The following STK3 variants were observed in gnomAD, a reference collection of about 807,000 sequenced individuals.
The protein encoded by STK3 is serine/threonine-protein kinase 3.
STK3 carries 41 observed loss-of-function variants against 58.0 expected under a neutral mutation model. The observed-to-expected ratio is 0.71, with a 90% confidence interval of 0.55 to 0.92. The LOEUF (loss-of-function observed/expected upper bound fraction) is 0.92, where lower values mean the gene tolerates loss of function less well. Among genes scored for constraint, STK3 ranks in the 40% least tolerant of loss-of-function variants. The probability of loss-of-function intolerance (pLI) is 0.00; values close to 1 mark genes in which losing one functional copy is unlikely to be tolerated. For synonymous variants in STK3, 170 were observed against 191.0 expected (o/e 0.89, Z 0.91); for missense variants, 479 against 602.7 (o/e 0.79, Z 2.15).
chr8:98,776,121 T>G (rs1309306084), intron 1 of STK3, among the ~76,000 whole-genome samples: 2 of 152,206 alleles, frequency 1.3e-5, no homozygotes, highest in Non-Finnish European at 2.9e-5. Flanking sequence ...AGTTTAGTGT[T>G]AGTTCCCCAG....
At chr8:98,706,316 AAC>A in intron 6 of STK3, 149 bp downstream of exon 6, 1 of 765,524 alleles carries the variant, frequency 1.3e-6, no homozygotes, top group Non-Finnish European at 1.9e-6. Flanking sequence ...AAGAGAAGTT[AAC>A]AGTTACTAAT....
At chr8:98,409,911 A>G (rs1207104612) in intron 3 of STK3, among the ~76,000 whole-genome samples, 2 of 152,182 alleles carry the variant, frequency 1.3e-5, no homozygotes, top group African/African-American at 2.4e-5. Flanking sequence ...GGAGAGTGCC[A>G]TGTGCCCAGA....
At chr8:98,366,590 T>C (rs548997795), downstream of STK3, among the ~76,000 whole-genome samples, 57 of 152,376 alleles carry the variant, frequency 3.7e-4, no homozygotes, top group African/African-American at 1.4e-3. Flanking sequence ...ACATACTTAT[T>C]GAATGGTTCA....
At chr8:98,899,300 A>G (rs1838571117) in intron 1 of STK3, among the ~76,000 whole-genome samples, 1 of 152,150 alleles carries the variant, frequency 6.6e-6, no homozygotes, top group East Asian at 1.9e-4. Flanking sequence ...AATTTTTTGC[A>G]AAGTGCTTAA....
rs1806866057 is a variant in STK3 at position 98,474,936 on chromosome 8, C to A, written c.1318-18936G>T. The stretch of plus-strand genomic sequence containing the variant: ...TAGCAGGTGCCTAACATCATCCAAT[C>A]TGTCACCCATTAATATTGCTTTAAG... On this transcript the variant is annotated intron_variant, in intron 10 of 10. Transcript: ENST00000419617. 2.0e-5 allele frequency among the ~76,000 whole-genome samples: 3 copies of A among 152,206 alleles called. No individual in the cohort carries two copies. The South Asian group carries it at 6.2e-4, about 32-fold the overall frequency.
At chr8:98,774,931 G>A in intron 1 of STK3, 112 bp from the exon 2 acceptor site, 5 of 650,494 alleles carry the variant, frequency 7.7e-6, no homozygotes, top group South Asian at 3.2e-5. Context: ...ATATTCAGAA[G>A]ACTCAAACAA....
intron 8 of STK3, among the ~76,000 whole-genome samples, chr8:98,578,561 G>T (rs1226720229): frequency 6.6e-6 from 1 of 152,114 alleles, no homozygotes; most frequent in Non-Finnish European, 1.5e-5. Flanking sequence ...AAGAGTAAAA[G>T]AATTTCAAAA....
At chr8:98,687,974 C>T (rs1419205583) in intron 6 of STK3, among the ~76,000 whole-genome samples, 1 of 152,104 alleles carries the variant, frequency 6.6e-6, no homozygotes, top group Non-Finnish European at 1.5e-5. Flanking sequence ...ACTTAAAAGA[C>T]ATAGAGTGGC....
At chr8:98,795,832 A>G (rs558338755) in intron 1 of STK3, among the ~76,000 whole-genome samples, 41 of 151,840 alleles carry the variant, frequency 2.7e-4, no homozygotes, top group East Asian at 2.1e-3. Context: ...AATACAATAC[A>G]ATACAATACA....
chr8:98,638,041 G>A (rs1006020955), intron 6 of STK3, among the ~76,000 whole-genome samples: 12 of 152,026 alleles, frequency 7.9e-5, no homozygotes, highest in African/African-American at 2.9e-4. Flanking sequence ...TGTGTTTCTA[G>A]AAATAAATAC....
chr8:98,740,092 T>G (rs908808527), intron 4 of STK3, among the ~76,000 whole-genome samples: 7 of 152,196 alleles, frequency 4.6e-5, no homozygotes, highest in Admixed American at 1.3e-4. Flanking sequence ...TATGGGACTA[T>G]GTGAAAAGAC....
intron 9 of STK3, among the ~76,000 whole-genome samples, chr8:98,529,525 T>C (rs762388423): frequency 3.9e-5 from 6 of 152,242 alleles, no homozygotes; most frequent in Admixed American, 2.6e-4. Flanking sequence ...CTTCACCTTA[T>C]GTGTTTTAAA....
the STK3 span, among the ~76,000 whole-genome samples, chr8:98,365,054 C>T: frequency 6.6e-6 from 1 of 152,136 alleles, no homozygotes; most frequent in Non-Finnish European, 1.5e-5. Context: ...GCCTCACCAT[C>T]CCGGTGCATT....
the STK3 span, among the ~76,000 whole-genome samples, chr8:98,361,360 G>T: frequency 6.6e-6 from 1 of 152,182 alleles, no homozygotes; most frequent in Non-Finnish European, 1.5e-5. Context: ...ATTATGGTGT[G>T]GTTAAGGGCA....
chr8:98,834,278 A>T (rs575640108), intron 3 of STK3, among the ~76,000 whole-genome samples: 2 of 152,212 alleles, frequency 1.3e-5, no homozygotes, highest in Non-Finnish European at 2.9e-5. Flanking sequence ...ACTGCTGCTA[A>T]CTGGAGTGCA....
intron 7 of STK3, among the ~76,000 whole-genome samples, chr8:98,585,833 T>C (rs1226736701): frequency 6.6e-6 from 1 of 151,938 alleles, no homozygotes; most frequent in Non-Finnish European, 1.5e-5. Flanking sequence ...GTTGGATTCC[T>C]AGGTATTTTA....
intron 4 of STK3, among the ~76,000 whole-genome samples, chr8:98,748,077 C>A (rs72666694): frequency 0.11 from 16,248 of 152,208 alleles, 1,617 homozygotes; most frequent in East Asian, 0.4. Context: ...AAAATTGTAA[C>A]ATTAACACTT....
chr8:98,632,768 G>A (rs527336338), intron 6 of STK3, among the ~76,000 whole-genome samples: 29 of 152,032 alleles, frequency 1.9e-4, no homozygotes, highest in Admixed American at 2.6e-4. Context: ...TCCTTCCCTC[G>A]TATTTTGATT....
chr8:98,858,421 C>T (rs1479367599), intron 3 of STK3, among the ~76,000 whole-genome samples: 1 of 147,552 alleles, frequency 6.8e-6, no homozygotes, highest in East Asian at 2.0e-4. Flanking sequence ...CCTACCTTGG[C>T]CTCCCAAAGT....
Sources: allele counts gnomAD v4.1 joint callset (sites outside exome capture counted in the v4.1 genomes callset), GRCh38; gene constraint gnomAD v4.1.1; transcripts MANE v1.5; gene names NCBI Gene and HGNC (gene_info 2026-07-23, HGNC 2026-07-21).